GRIK1: variants seen among roughly 807,000 people sequenced by gnomAD.
The protein encoded by GRIK1 is glutamate receptor ionotropic, kainate 1.
GRIK1 carries 69 observed loss-of-function variants against 105.7 expected under a neutral mutation model. The observed-to-expected ratio is 0.65, with a 90% CI of 0.54 to 0.80. GRIK1 has a LOEUF of 0.80. GRIK1 is among the 30% of genes least tolerant of loss of function. GRIK1 has a pLI of 0.00. For synonymous variants in GRIK1, 438 were observed against 431.3 expected, an observed-to-expected ratio of 1.02 and a Z score of -0.19; for missense variants, 1,109 against 1,167.3, an observed-to-expected ratio of 0.95 and a Z score of 0.73.
chr21:29,894,151 A>G (rs2070017411), intron 1 of GRIK1, among the ~76,000 whole-genome samples: 1 of 152,158 alleles, frequency 6.6e-6, no homozygotes, highest in Non-Finnish European at 1.5e-5. Context: ...GGACAGAACT[A>G]ATTGGATATA....
intron 1 of GRIK1, among the ~76,000 whole-genome samples, chr21:29,815,248 T>C (rs2067125122): frequency 6.6e-6 from 1 of 152,060 alleles, no homozygotes; most frequent in African/African-American, 2.4e-5. Flanking sequence ...AGCTCTGGAG[T>C]CTTATCCAGT....
chr21:29,585,717 G>A (rs2091117007), intron 12 of GRIK1, among the ~76,000 whole-genome samples: 1 of 152,166 alleles, frequency 6.6e-6, no homozygotes, highest in Non-Finnish European at 1.5e-5. Flanking sequence ...TTATTAGAAG[G>A]TGCTTCACCT....
At chr21:29,632,628 T>C (rs1266260261) in intron 7 of GRIK1, among the ~76,000 whole-genome samples, 1 of 152,198 alleles carries the variant, frequency 6.6e-6, no homozygotes, top group African/African-American at 2.4e-5. Context: ...ATTAAACATG[T>C]GTGCACCTGT....
At chr21:29,683,560 G>A (rs2063422841) in intron 3 of GRIK1, among the ~76,000 whole-genome samples, 1 of 152,250 alleles carries the variant, frequency 6.6e-6, no homozygotes, top group Non-Finnish European at 1.5e-5. Context: ...ACTTATAAGT[G>A]AAAGCTAAAC....
chr21:29,560,519 C>CCTTCCTTCCTTCCTTTCTTTCTTTCTTT (rs2090436242), intron 15 of GRIK1, among the ~76,000 whole-genome samples: 1 of 57,812 alleles, frequency 1.7e-5, no homozygotes, highest in Non-Finnish European at 3.0e-5. Context: ...TTCCTTCCTT[C>CCTTCCTTCCTTCCTTTCTTTCTTTCTTT]CTTTCTTTCT....
intron 1 of GRIK1, among the ~76,000 whole-genome samples, chr21:29,755,109 T>C (rs2065302428): frequency 6.6e-6 from 1 of 152,374 alleles, no homozygotes; most frequent in Non-Finnish European, 1.5e-5. Flanking sequence ...ACAAATTCTA[T>C]ATTTCTATCA....
At chr21:29,616,144 C>G (rs1405210206) in intron 7 of GRIK1, among the ~76,000 whole-genome samples, 1 of 152,106 alleles carries the variant, frequency 6.6e-6, no homozygotes, top group African/African-American at 2.4e-5. Flanking sequence ...ATGTCCTGTT[C>G]TCTAGTGAAT....
intron 1 of GRIK1, among the ~76,000 whole-genome samples, chr21:29,814,491 C>T (rs1190180009): frequency 6.6e-6 from 1 of 152,062 alleles, no homozygotes; most frequent in Non-Finnish European, 1.5e-5. Context: ...GCACCATTTA[C>T]AGCCTAATTG....
intron 3 of GRIK1, among the ~76,000 whole-genome samples, chr21:29,687,189 A>C (rs990863160): frequency 6.6e-6 from 1 of 152,188 alleles, no homozygotes; most frequent in Non-Finnish European, 1.5e-5. Context: ...GTAATGGGCC[A>C]TTTGGTCCCG....
At chr21:29,934,508 C>T (rs1425834798) in intron 1 of GRIK1, among the ~76,000 whole-genome samples, 1 of 152,054 alleles carries the variant, frequency 6.6e-6, no homozygotes, top group Non-Finnish European at 1.5e-5. Flanking sequence ...ACAGTGTATA[C>T]TAAGCTGAAA....
intron 2 of GRIK1, among the ~76,000 whole-genome samples, chr21:29,690,965 T>C (rs532329942): frequency 1.3e-5 from 2 of 152,186 alleles, no homozygotes; most frequent in African/African-American, 4.8e-5. Flanking sequence ...CTAAAGCATA[T>C]TTTTAGTGTC....
At chr21:29,843,059 C>T (rs1281915046) in intron 1 of GRIK1, among the ~76,000 whole-genome samples, 1 of 152,098 alleles carries the variant, frequency 6.6e-6, no homozygotes, top group African/African-American at 2.4e-5. Flanking sequence ...ACTCCCTAGC[C>T]TCATGAATGG....
At chr21:29,771,147 G>T (rs1029328159) in intron 1 of GRIK1, among the ~76,000 whole-genome samples, 3 of 152,140 alleles carry the variant, frequency 2.0e-5, no homozygotes, top group Non-Finnish European at 4.4e-5. Flanking sequence ...AATAAATCCA[G>T]TACCCATAGT....
intron 3 of GRIK1, among the ~76,000 whole-genome samples, chr21:29,675,301 T>C (rs2063244372): frequency 6.6e-6 from 1 of 152,026 alleles, no homozygotes; most frequent in African/African-American, 2.4e-5. Flanking sequence ...GGGGAAAAAA[T>C]AGAGACTCCA....
At chr21:29,923,813 T>C (rs568980507) in intron 1 of GRIK1, among the ~76,000 whole-genome samples, 1 of 152,318 alleles carries the variant, frequency 6.6e-6, no homozygotes, top group South Asian at 2.1e-4. Context: ...AAATAGGCTT[T>C]TCTAAGAGGA....
intron 9 of GRIK1, among the ~76,000 whole-genome samples, chr21:29,595,826 C>T (rs1403665581): frequency 2.0e-5 from 3 of 152,156 alleles, no homozygotes; most frequent in Non-Finnish European, 4.4e-5. Context: ...TTTAATGTCT[C>T]ATATTTGCTT....
chr21:29,861,830 A>G (rs1230669716), intron 1 of GRIK1, among the ~76,000 whole-genome samples: 1 of 152,148 alleles, frequency 6.6e-6, no homozygotes, highest in Non-Finnish European at 1.5e-5. Flanking sequence ...TATGTTGTAT[A>G]ATTCTTTTTA....
At chr21:29,923,825 A>G (rs970689897) in intron 1 of GRIK1, among the ~76,000 whole-genome samples, 3 of 152,280 alleles carry the variant, frequency 2.0e-5, no homozygotes, top group East Asian at 1.9e-4. Context: ...CTAAGAGGAG[A>G]TGATTAGGAT....
chr21:29,780,781 T>C (rs2066075343), intron 1 of GRIK1, among the ~76,000 whole-genome samples: 1 of 152,250 alleles, frequency 6.6e-6, no homozygotes, highest in South Asian at 2.1e-4. Context: ...TATATTTCAA[T>C]ATTTTGTAAC....
Sources: gnomAD v4.1 joint callset for allele counts (sites outside exome capture counted in the v4.1 genomes callset) on GRCh38, gnomAD v4.1.1 for gene constraint, MANE v1.5 for transcripts, NCBI Gene and HGNC (gene_info 2026-07-23, HGNC 2026-07-21) for gene names.